Variants in GALNT17 observed in about 807,000 individuals in gnomAD.
GALNT17 encodes the protein UDP-GalNAc:polypeptide N-acetylgalactosaminyltransferase-like 3.
GALNT17 carries 29 observed loss-of-function variants against 63.7 expected under a neutral mutation model. That is an observed-to-expected ratio of 0.46 (90% confidence interval 0.34 to 0.62). The LOEUF (loss-of-function observed/expected upper bound fraction) is 0.62, where lower values mean the gene tolerates loss of function less well. Among genes scored for constraint, GALNT17 ranks in the 20% least tolerant of loss-of-function variants. GALNT17 has a pLI of 0.01. For synonymous variants in GALNT17, 305 were observed against 318.3 expected, an observed-to-expected ratio of 0.96 and a Z score of 0.45; for missense variants, 603 against 799.6, an observed-to-expected ratio of 0.75 and a Z score of 2.97.
chr7:71,571,256 T>C (rs747566852), intron 5 of GALNT17, 29 bp from the exon 6 acceptor site: 2 of 1,598,042 alleles, frequency 1.3e-6, no homozygotes, highest in South Asian at 2.2e-5. Flanking sequence ...GACACCTCAA[T>C]GAGCTTCCCT....
At chr7:71,403,581 C>A (rs765909198) in intron 3 of GALNT17, among the ~76,000 whole-genome samples, 1 of 152,212 alleles carries the variant, frequency 6.6e-6, no homozygotes. Flanking sequence ...AGTAACTTAA[C>A]GTGGACATTT....
At chr7:71,565,732 G>A (rs534708260) in intron 5 of GALNT17, among the ~76,000 whole-genome samples, 1 of 152,184 alleles carries the variant, frequency 6.6e-6, no homozygotes, top group South Asian at 2.1e-4. Context: ...AGGCTCCACA[G>A]CCACAGCATG....
intron 2 of GALNT17, among the ~76,000 whole-genome samples, chr7:71,373,673 A>T (rs1401549035): frequency 6.6e-6 from 1 of 152,130 alleles, no homozygotes; most frequent in Non-Finnish European, 1.5e-5. Flanking sequence ...CATACGAGGG[A>T]TCTATTTCAT....
At chr7:71,617,503 G>A (rs1020594255) in intron 6 of GALNT17, among the ~76,000 whole-genome samples, 19 of 151,490 alleles carry the variant, frequency 1.3e-4, no homozygotes, top group South Asian at 6.3e-4. Flanking sequence ...TGTATTTTTA[G>A]TAGAGACAGG....
chr7:71,628,608 C>T (rs1790410343), intron 6 of GALNT17, among the ~76,000 whole-genome samples: 1 of 152,288 alleles, frequency 6.6e-6, no homozygotes, highest in African/African-American at 2.4e-5. Context: ...CAGGCCTGAG[C>T]CACCATGCCC....
At chr7:71,206,555 C>T (rs531213291) in intron 1 of GALNT17, among the ~76,000 whole-genome samples, 45 of 152,276 alleles carry the variant, frequency 3.0e-4, no homozygotes, top group African/African-American at 8.7e-4. Context: ...CCAGAGATTT[C>T]CTCAAGGTAG....
intron 1 of GALNT17, among the ~76,000 whole-genome samples, chr7:71,202,334 C>G (rs932571687): frequency 6.8e-6 from 1 of 146,150 alleles, no homozygotes; most frequent in African/African-American, 2.4e-5. Context: ...CTTTCACCCA[C>G]AGTCATCCAT....
chr7:71,534,773 C>A (rs1788777388), intron 5 of GALNT17, among the ~76,000 whole-genome samples: 1 of 152,060 alleles, frequency 6.6e-6, no homozygotes, highest in Non-Finnish European at 1.5e-5. Context: ...ACAGCCAGAC[C>A]ACATCAGGAA....
At chr7:71,556,131 T>G (rs1789159752) in intron 5 of GALNT17, among the ~76,000 whole-genome samples, 1 of 152,234 alleles carries the variant, frequency 6.6e-6, no homozygotes, top group Admixed American at 6.5e-5. Flanking sequence ...CTTACAACTA[T>G]TTTGCTGCTA....
chr7:71,284,750 A>G (rs1790842183), intron 1 of GALNT17: 1 of 152,178 alleles, frequency 6.6e-6, no homozygotes. Flanking sequence ...TTCTAGAGGC[A>G]GGGTTCTATA....
intron 6 of GALNT17, among the ~76,000 whole-genome samples, chr7:71,644,169 A>G (rs1790641661): frequency 6.6e-6 from 1 of 152,040 alleles, no homozygotes; most frequent in African/African-American, 2.4e-5. Context: ...TTGAGAAGCC[A>G]ATTCATGAGG....
chr7:71,164,289 G>A (rs1788397290), intron 1 of GALNT17, among the ~76,000 whole-genome samples: 2 of 152,218 alleles, frequency 1.3e-5, no homozygotes, highest in Non-Finnish European at 2.9e-5. Context: ...TACATTCATG[G>A]TGGAAGCTGA....
chr7:71,173,268 C>T (rs1562884898), intron 1 of GALNT17, among the ~76,000 whole-genome samples: 1 of 152,092 alleles, frequency 6.6e-6, no homozygotes, highest in East Asian at 1.9e-4. Context: ...CATGTGCACC[C>T]TGGTATCTCC....
intron 1 of GALNT17, among the ~76,000 whole-genome samples, chr7:71,257,570 C>T (rs1457347094): frequency 6.6e-6 from 1 of 152,174 alleles, no homozygotes; most frequent in Admixed American, 6.5e-5. Flanking sequence ...AAGGTTTCCG[C>T]ACTATCCTTC....
Position 71,611,349 on chromosome 7 carries a change from AT to A in GALNT17, c.1080+39948del, listed in dbSNP as rs776939026. The stretch of plus-strand genomic sequence containing the variant: ...CCCATCCAACTCACTGGATTTTAAG[AT>A]CCAGCCCAGTGTTAGCTGACTTTTA... On this transcript the variant is annotated intron_variant, in intron 6 of 10. Coordinates refer to ENST00000333538, the MANE Select transcript of GALNT17 (RefSeq NM_022479.3). Among the ~76,000 whole-genome samples, 3 of 152,134 alleles carry A rather than the reference AT, an allele frequency of 2.0e-5. No individual in the cohort carries two copies. In the East Asian group the frequency reaches 5.8e-4, roughly 30 times the overall value.
At chr7:71,606,412 C>T (rs1437445002) in intron 6 of GALNT17, among the ~76,000 whole-genome samples, 1 of 152,186 alleles carries the variant, frequency 6.6e-6, no homozygotes, top group Non-Finnish European at 1.5e-5. Context: ...GGCTCTATAA[C>T]TCTTGGAGTG....
chr7:71,136,768 A>T (rs1171823631), intron 1 of GALNT17, among the ~76,000 whole-genome samples: 2 of 149,686 alleles, frequency 1.3e-5, no homozygotes, highest in East Asian at 3.9e-4. Context: ...TACAGGTGTA[A>T]GCCACTGTGC....
intron 6 of GALNT17, among the ~76,000 whole-genome samples, chr7:71,648,601 T>G (rs1433004107): frequency 1.3e-5 from 2 of 151,988 alleles, no homozygotes; most frequent in African/African-American, 4.8e-5. Context: ...AAAATAATTT[T>G]TATTTATTTA....
At chr7:71,227,354 AC>A (rs1481270058) in intron 1 of GALNT17, among the ~76,000 whole-genome samples, 1 of 150,712 alleles carries the variant, frequency 6.6e-6, no homozygotes, top group Non-Finnish European at 1.5e-5. Context: ...AGAGAGCAAG[AC>A]CCTGTCTCTA....
Sources: allele counts gnomAD v4.1 joint callset (sites outside exome capture counted in the v4.1 genomes callset), GRCh38; gene constraint gnomAD v4.1.1; transcripts MANE v1.5; gene names NCBI Gene and HGNC (gene_info 2026-07-23, HGNC 2026-07-21).